The following TSPAN5 variants were observed in gnomAD, a reference collection of about 807,000 sequenced individuals.
TSPAN5 encodes tetraspanin-5.
A neutral mutation model predicts 37.1 loss-of-function variants in TSPAN5; 10 were observed. The observed-to-expected ratio is 0.27, with a 90% CI of 0.17 to 0.46. TSPAN5 has a LOEUF of 0.46. Among genes scored for constraint, TSPAN5 ranks in the 20% least tolerant of loss-of-function variants. The pLI, the probability that TSPAN5 is intolerant of heterozygous loss-of-function variation, is 1.00. For missense variants in TSPAN5, 195 were observed against 326.6 expected (o/e 0.60, Z 3.11); for synonymous variants, 110 against 118.9 (o/e 0.93, Z 0.48).
intron 1 of TSPAN5, among the ~76,000 whole-genome samples, chr4:98,561,272 A>G (rs1335675500): frequency 6.6e-6 from 1 of 152,246 alleles, no homozygotes; most frequent in African/African-American, 2.4e-5. Context: ...CAAAAAGGAC[A>G]GTCATCCAGG....
In TSPAN5 at chr4:98,471,871, T is replaced by A. The variant is rs1373056392; in HGVS notation, c.*651A>T. On this transcript the variant is annotated 3_prime_UTR_variant, in exon 8 of 8. Coordinates refer to ENST00000305798, the MANE Select transcript of TSPAN5 (RefSeq NM_005723.4). The stretch of plus-strand genomic sequence containing the variant: ...GCCTCATGACGTCTTCCAATGCCCT[T>A]GCTCGGTGCACATGAAATACACAAC... The A allele has an allele frequency of 1.3e-5, 2 of 152,218 alleles. No homozygotes were observed. The highest frequency in any genetic ancestry group is 2.9e-5 in the Non-Finnish European group (2 of 68,048). 9.4% of individuals were successfully genotyped at this position (152,218 alleles called of 1,614,324 possible). A position where few individuals can be genotyped will look rare whatever the true frequency, so the allele number is the denominator to read the frequency against.
chr4:98,620,482 C>A (rs1346146007), intron 1 of TSPAN5, among the ~76,000 whole-genome samples: 1 of 152,226 alleles, frequency 6.6e-6, no homozygotes, highest in Non-Finnish European at 1.5e-5. Context: ...TCCTGACCTG[C>A]AGAGTCCACA....
rs528558056 is a variant in TSPAN5 at position 98,471,657 on chromosome 4, A to G, written c.*865T>C. 2.4e-4 allele frequency: 37 copies of G among 152,362 alleles called. No homozygotes were observed. The highest frequency in any genetic ancestry group is 8.9e-4 in the African/African-American group (37 of 41,594). 9.4% of individuals were successfully genotyped at this position (152,362 alleles called of 1,614,324 possible). On this transcript the variant is annotated 3_prime_UTR_variant, in exon 8 of 8. Coordinates refer to ENST00000305798, the MANE Select transcript of TSPAN5 (RefSeq NM_005723.4). ...TTTCACCTTTGGAAGACGAAAAACA[A>G]CAAACATACAAAACAAAATGACCCA... is the stretch of plus-strand genomic sequence containing the variant.
intron 1 of TSPAN5, among the ~76,000 whole-genome samples, chr4:98,543,983 A>C (rs1159484401): frequency 6.6e-6 from 1 of 151,956 alleles, no homozygotes; most frequent in East Asian, 1.9e-4. Context: ...TTCGAGACCA[A>C]AGTGGGCAAC....
chr4:98,527,684 T>C (rs1307327594), intron 1 of TSPAN5, among the ~76,000 whole-genome samples: 2 of 152,190 alleles, frequency 1.3e-5, no homozygotes, highest in East Asian at 1.9e-4. Flanking sequence ...CCCTACGTGC[T>C]CTGTCTGATC....
intron 1 of TSPAN5, among the ~76,000 whole-genome samples, chr4:98,608,852 G>C (rs1756105688): frequency 6.6e-6 from 1 of 152,068 alleles, no homozygotes. Context: ...CTCGCCCTCA[G>C]AGAGATGTTC....
intron 1 of TSPAN5, among the ~76,000 whole-genome samples, chr4:98,637,685 G>A (rs2110272802): frequency 6.6e-6 from 1 of 152,182 alleles, no homozygotes. Context: ...CACTTTTACA[G>A]CTCTATCACA....
intron 1 of TSPAN5, among the ~76,000 whole-genome samples, chr4:98,599,414 T>C (rs1755831933): frequency 1.3e-5 from 2 of 152,184 alleles, no homozygotes; most frequent in Admixed American, 1.3e-4. Flanking sequence ...TCTTTACTTT[T>C]TAAAAGAAAC....
chr4:98,582,985 G>A (rs1021683287), intron 1 of TSPAN5, among the ~76,000 whole-genome samples: 1 of 152,158 alleles, frequency 6.6e-6, no homozygotes, highest in Non-Finnish European at 1.5e-5. Flanking sequence ...TAAAAGCACT[G>A]GAGGGAGGGA....
intron 1 of TSPAN5, among the ~76,000 whole-genome samples, chr4:98,535,797 G>A (rs1051754171): frequency 6.6e-6 from 1 of 151,946 alleles, no homozygotes; most frequent in Non-Finnish European, 1.5e-5. Flanking sequence ...TTCAATCATT[G>A]CTATCCTTTC....
chr4:98,651,900 T>A (rs1348336286), intron 1 of TSPAN5, among the ~76,000 whole-genome samples: 1 of 138,734 alleles, frequency 7.2e-6, no homozygotes, highest in African/African-American at 2.7e-5. Flanking sequence ...TGAGACAGGG[T>A]CTTGTTCTGT....
intron 1 of TSPAN5, among the ~76,000 whole-genome samples, chr4:98,624,563 T>A (rs1281042175): frequency 6.6e-6 from 1 of 152,182 alleles, no homozygotes; most frequent in African/African-American, 2.4e-5. Context: ...AAATTTTAGA[T>A]ACGGAGTGAT....
chr4:98,589,846 G>A (rs1419632295), intron 1 of TSPAN5, among the ~76,000 whole-genome samples: 5 of 152,098 alleles, frequency 3.3e-5, no homozygotes, highest in Non-Finnish European at 7.4e-5. Flanking sequence ...GGCCTAGCAT[G>A]GGAATGTCTC....
chr4:98,533,775 C>T (rs1426686117), intron 1 of TSPAN5, among the ~76,000 whole-genome samples: 1 of 148,856 alleles, frequency 6.7e-6, no homozygotes, highest in Non-Finnish European at 1.5e-5. Flanking sequence ...TGGTCTCGAT[C>T]GCCTGACCTC....
At chr4:98,615,788 TGTTTA>T (rs1756320640) in intron 1 of TSPAN5, among the ~76,000 whole-genome samples, 1 of 152,214 alleles carries the variant, frequency 6.6e-6, no homozygotes. Flanking sequence ...ATTTCAGACA[TGTTTA>T]GTTAATGCCT....
chr4:98,638,727 A>G (rs1244037131), intron 1 of TSPAN5, among the ~76,000 whole-genome samples: 1 of 152,032 alleles, frequency 6.6e-6, no homozygotes, highest in Non-Finnish European at 1.5e-5. Context: ...ATTTTACCCT[A>G]CTCGCAAGGT....
rs769210181 is a variant in TSPAN5, at chr4:98,478,837, C to T, written c.451-27G>A. ...TAGAGCAAACAGGAAAGAATTAGAA[C>T]ATCCCAACTTGGAGGCAAGCAGTCA... On this transcript the variant is annotated intron_variant, in intron 4 of 7. Coordinates refer to ENST00000305798, the MANE Select transcript of TSPAN5 (RefSeq NM_005723.4). 6.2e-6 allele frequency: 10 copies of T among 1,609,894 alleles called. No individual in the cohort carries two copies. In the African/African-American group the frequency reaches 9.3e-5, roughly 15 times the overall value.
intron 1 of TSPAN5, among the ~76,000 whole-genome samples, chr4:98,632,179 G>A (rs1369304680): frequency 1.3e-5 from 2 of 152,134 alleles, no homozygotes; most frequent in African/African-American, 4.8e-5. Flanking sequence ...TTCCATTTCT[G>A]TAACAGTCTT....
chr4:98,527,182 A>G (rs1035390290), intron 1 of TSPAN5, among the ~76,000 whole-genome samples: 1 of 152,226 alleles, frequency 6.6e-6, no homozygotes, highest in Non-Finnish European at 1.5e-5. Flanking sequence ...TTATATAACC[A>G]GCCCATAAAA....
Sources: allele counts gnomAD v4.1 joint callset (sites outside exome capture counted in the v4.1 genomes callset), GRCh38; gene constraint gnomAD v4.1.1; transcripts MANE v1.5; gene names NCBI Gene and HGNC (gene_info 2026-07-23, HGNC 2026-07-21).